SERINC5: variants seen among roughly 807,000 people sequenced by gnomAD.
SERINC5 encodes serine incorporator 5.
Under a neutral mutation model 63.1 loss-of-function variants are expected in SERINC5, and 41 were observed. That is an observed-to-expected ratio of 0.65 (90% CI 0.51 to 0.84). SERINC5 has a LOEUF of 0.84. Among genes scored for constraint, SERINC5 ranks in the 40% least tolerant of loss-of-function variants. The pLI is 0.00. For missense variants in SERINC5, 523 were observed against 573.0 expected, an observed-to-expected ratio of 0.91 and a Z score of 0.89; for synonymous variants, 222 against 215.2, an observed-to-expected ratio of 1.03 and a Z score of -0.28.
In SERINC5 at chr5:80,124,340, A is replaced by T. The variant is rs958636077; in HGVS notation, c.1239-10715T>A. Among the ~76,000 whole-genome samples, 5 of 152,166 alleles carry T rather than the reference A, an allele frequency of 3.3e-5. No individual in the cohort carries two copies. In the East Asian group the frequency reaches 9.6e-4, roughly 29 times the overall value. Reference sequence around the variant, plus strand: ...GTGCCAACAGTCTCAGGGCACGCCCAAAGTGTTCCCTTTTTTCTACCACAA... The same window carrying T: ...GTGCCAACAGTCTCAGGGCACGCCCTAAGTGTTCCCTTTTTTCTACCACAA... On this transcript the variant is annotated intron_variant, in intron 11 of 12. Transcript: ENST00000509193.
intron 1 of SERINC5, 128 bp downstream of exon 1, chr5:80,255,768 G>T: frequency 5.0e-6 from 4 of 797,424 alleles, no homozygotes; most frequent in South Asian, 1.6e-5. Flanking sequence ...GGGCCAGCCC[G>T]AGCGACCCAC....
intron 2 of SERINC5, among the ~76,000 whole-genome samples, chr5:80,196,010 T>G (rs4704628): frequency 0.38 from 57,106 of 152,034 alleles, 11,499 homozygotes; most frequent in East Asian, 0.82. Context: ...AAGGTAAGTG[T>G]AATATGCAAC....
intron 2 of SERINC5, among the ~76,000 whole-genome samples, chr5:80,180,289 T>G (rs1748331584): frequency 2.0e-5 from 3 of 152,190 alleles, no homozygotes; most frequent in South Asian, 4.1e-4. Context: ...AGTTGAACAC[T>G]CTTCTGAACA....
chr5:80,229,015 A>T (rs1580195697), intron 1 of SERINC5, among the ~76,000 whole-genome samples: 1 of 127,528 alleles, frequency 7.8e-6, no homozygotes, highest in Non-Finnish European at 1.6e-5. Context: ...CCAATGTTTT[A>T]CATACCTTTT....
chr5:80,211,668 C>G (rs557726805), intron 1 of SERINC5, among the ~76,000 whole-genome samples: 1 of 152,316 alleles, frequency 6.6e-6, no homozygotes, highest in East Asian at 1.9e-4. Flanking sequence ...AGCAAGACTT[C>G]TGAATAAACT....
At chr5:80,222,535 GT>G (rs1750954314) in intron 1 of SERINC5, among the ~76,000 whole-genome samples, 1 of 145,682 alleles carries the variant, frequency 6.9e-6, no homozygotes, top group African/African-American at 2.6e-5. Context: ...AGAAGTTTTG[GT>G]GGGTTTTTTG....
chr5:80,197,308 TGAGAGAGAGAGAGAGAGAGAGAGA>T lies in SERINC5; in HGVS notation c.195+5554_195+5577del, dbSNP rs34195156. The stretch of plus-strand genomic sequence containing the variant: ...GAGAGACAGAGCAAGACTCCATCTG[TGAGAGAGAGAGAGAGAGAGAGAGA>T]GAGAGAGAGAGAGAGAGAGAGAGAG... On this transcript the variant is annotated intron_variant, in intron 2 of 11. Coordinates refer to ENST00000507668, the MANE Select transcript of SERINC5 (RefSeq NM_001174072.3). 1.3e-3 allele frequency among the ~76,000 whole-genome samples: 173 copies of T among 137,086 alleles called. 1 individual carries two copies. The highest frequency in any genetic ancestry group is 3.2e-3 in the African/African-American group (117 of 36,658). The allele number at this position is 137,086 out of a possible 152,430, so 89.9% of individuals were successfully genotyped here.
At chr5:80,188,960 T>C (rs529531914) in intron 2 of SERINC5, among the ~76,000 whole-genome samples, 1 of 152,272 alleles carries the variant, frequency 6.6e-6, no homozygotes, top group South Asian at 2.1e-4. Flanking sequence ...AATTCTACAA[T>C]CTGATTGACT....
At chr5:80,228,236 G>A in intron 1 of SERINC5, among the ~76,000 whole-genome samples, 1 of 123,628 alleles carries the variant, frequency 8.1e-6, no homozygotes, top group East Asian at 2.9e-4. Flanking sequence ...GAGGGAGGGA[G>A]GGAGGGAGGG....
chr5:80,181,727 A>G (rs905522288), intron 2 of SERINC5, among the ~76,000 whole-genome samples: 21 of 152,180 alleles, frequency 1.4e-4, no homozygotes, highest in Admixed American at 3.9e-4. Context: ...ATCCAACCAG[A>G]TAAGTAGATA....
At chr5:80,152,337 C>CA (rs1746243842) in intron 8 of SERINC5, among the ~76,000 whole-genome samples, 2 of 151,922 alleles carry the variant, frequency 1.3e-5, no homozygotes, top group African/African-American at 2.4e-5. Context: ...CCTGTCGCTA[C>CA]AAAAAATACA....
At chr5:80,152,054 T>C (rs1746223114) in intron 8 of SERINC5, among the ~76,000 whole-genome samples, 1 of 152,244 alleles carries the variant, frequency 6.6e-6, no homozygotes, top group Non-Finnish European at 1.5e-5. Context: ...TCCACTCAAG[T>C]ACAACAGCAT....
chr5:80,193,437 T>C (rs1259576851), intron 2 of SERINC5, among the ~76,000 whole-genome samples: 2 of 152,196 alleles, frequency 1.3e-5, no homozygotes. Flanking sequence ...ACGCTTTAGA[T>C]GACTACAGAA....
chr5:80,132,946 A>G (rs977397025), intron 11 of SERINC5, among the ~76,000 whole-genome samples: 4 of 152,184 alleles, frequency 2.6e-5, no homozygotes, highest in Admixed American at 2.6e-4. Context: ...ACATGGTTTG[A>G]TATTTGTCCC....
rs1745544654 is a variant in SERINC5 at position 80,142,113 on chromosome 5, TAC to T, written c.*1548_*1549del. The T allele has an allele frequency of 1.0e-6, 1 of 985,428 alleles. No individual in the cohort carries two copies. Among genetic ancestry groups the T allele is most frequent in the Non-Finnish European group, 1.2e-6 (1 of 829,920 alleles). The allele number at this position is 985,428 out of a possible 1,614,324, so 61.0% of individuals were successfully genotyped here. On this transcript the variant is annotated 3_prime_UTR_variant, in exon 12 of 12. Coordinates refer to ENST00000507668, the MANE Select transcript of SERINC5 (RefSeq NM_001174072.3). The stretch of plus-strand genomic sequence containing the variant: ...AGCCTTTTATTCTTAGATCCTCACT[TAC>T]AGAGAGCTCGAGAAGATTCTTTCCA...
At chr5:80,113,829 G>C (rs1037734218) in intron 11 of SERINC5, among the ~76,000 whole-genome samples, 1 of 151,854 alleles carries the variant, frequency 6.6e-6, no homozygotes. Flanking sequence ...ATTTGGGTGG[G>C]GACACAGCCA....
chr5:80,124,855 C>A (rs545941963), intron 11 of SERINC5, among the ~76,000 whole-genome samples: 15 of 152,134 alleles, frequency 9.9e-5, no homozygotes, highest in Non-Finnish European at 1.9e-4. Context: ...CAACTCCCAC[C>A]CAGGGTGGGG....
At chr5:80,195,722 C>G (rs907154793) in intron 2 of SERINC5, among the ~76,000 whole-genome samples, 6 of 152,280 alleles carry the variant, frequency 3.9e-5, no homozygotes, top group African/African-American at 1.4e-4. Flanking sequence ...TCTGTCAACT[C>G]CAAGAACCAC....
At chr5:80,197,909 G>A (rs751756117) in intron 2 of SERINC5, among the ~76,000 whole-genome samples, 2 of 152,020 alleles carry the variant, frequency 1.3e-5, no homozygotes, top group African/African-American at 4.8e-5. Context: ...CCGGGATCTC[G>A]GCTCACTGCA....
Sources: allele counts gnomAD v4.1 joint callset (sites outside exome capture counted in the v4.1 genomes callset), GRCh38; gene constraint gnomAD v4.1.1; transcripts MANE v1.5; gene names NCBI Gene and HGNC (gene_info 2026-07-23, HGNC 2026-07-21).